Variants in PPARGC1A observed in about 807,000 individuals in gnomAD.
The protein encoded by PPARGC1A is peroxisome proliferator-activated receptor gamma coactivator 1-alpha.
PPARGC1A carries 25 observed loss-of-function variants against 88.7 expected under a neutral mutation model. The ratio of observed to expected loss-of-function variants is 0.28; its 90% CI spans 0.21 to 0.39. The LOEUF (loss-of-function observed/expected upper bound fraction) is 0.39, where lower values mean the gene tolerates loss of function less well. Ranked by LOEUF, PPARGC1A falls within the 10% of genes least tolerant of loss-of-function variation. The probability of loss-of-function intolerance (pLI) is 1.00; values close to 1 mark genes in which losing one functional copy is unlikely to be tolerated. For synonymous variants in PPARGC1A, 363 were observed against 355.6 expected, an observed-to-expected ratio of 1.02 and a Z score of -0.24; for missense variants, 880 against 968.7, an observed-to-expected ratio of 0.91 and a Z score of 1.22.
chr4:24,167,388 A>T, the PPARGC1A span, among the ~76,000 whole-genome samples: 2 of 152,250 alleles, frequency 1.3e-5, no homozygotes, highest in African/African-American at 2.4e-5. Context: ...TGTTGTGGAC[A>T]TTGTTGAAAT....
At chr4:23,910,999 T>C in the PPARGC1A span, among the ~76,000 whole-genome samples, 1 of 152,032 alleles carries the variant, frequency 6.6e-6, no homozygotes, top group East Asian at 1.9e-4. Context: ...TTTAAATCTT[T>C]ACTGTTTAAA....
chr4:24,384,428 C>T, the PPARGC1A span, among the ~76,000 whole-genome samples: 52,588 of 151,890 alleles, frequency 0.35, 10,410 homozygotes, highest in East Asian at 0.49. Context: ...AATTAAAAGA[C>T]ACAGACTGGC....
chr4:24,200,979 T>G, the PPARGC1A span, among the ~76,000 whole-genome samples: 1 of 152,210 alleles, frequency 6.6e-6, no homozygotes, highest in Non-Finnish European at 1.5e-5. Context: ...AACATTTATT[T>G]AGTGTCCATT....
At chr4:24,103,649 C>T in the PPARGC1A span, among the ~76,000 whole-genome samples, 943 of 150,206 alleles carry the variant, frequency 6.3e-3, 15 homozygotes, top group African/African-American at 0.022. Flanking sequence ...TTATAGCTGC[C>T]GCTTTGATGC....
the PPARGC1A span, among the ~76,000 whole-genome samples, chr4:24,343,080 T>G: frequency 1.7e-4 from 26 of 152,198 alleles, no homozygotes; most frequent in Non-Finnish European, 3.4e-4. Context: ...GGAACCAGAA[T>G]AGAACGTTTC....
At chr4:24,041,476 T>C in the PPARGC1A span, among the ~76,000 whole-genome samples, 3 of 120,446 alleles carry the variant, frequency 2.5e-5, no homozygotes, top group Non-Finnish European at 5.9e-5. Flanking sequence ...AGTCATCACC[T>C]GCTGATTTCT....
chr4:23,904,060 A>C (rs1719747682), upstream of PPARGC1A: 3 of 982,806 alleles, frequency 3.1e-6, no homozygotes, highest in Non-Finnish European at 3.6e-6. Flanking sequence ...CAGTGCAAAT[A>C]CTGGTATCAT....
the PPARGC1A span, among the ~76,000 whole-genome samples, chr4:24,240,733 T>C: frequency 1.3e-5 from 2 of 152,200 alleles, no homozygotes; most frequent in African/African-American, 4.8e-5. Context: ...GAGGTAGTTC[T>C]AGCAGAGGAA....
chr4:24,159,206 C>CTTT, the PPARGC1A span, among the ~76,000 whole-genome samples: 557 of 109,812 alleles, frequency 5.1e-3, 26 homozygotes, highest in African/African-American at 0.018. Flanking sequence ...GGAAATTAAC[C>CTTT]TTTTTTTTTT....
the PPARGC1A span, among the ~76,000 whole-genome samples, chr4:24,411,580 G>T: frequency 6.6e-6 from 1 of 152,092 alleles, no homozygotes; most frequent in African/African-American, 2.4e-5. Flanking sequence ...ACATTCTCTG[G>T]GTTTTGACAA....
chr4:23,910,606 A>G, the PPARGC1A span, among the ~76,000 whole-genome samples: 1 of 148,594 alleles, frequency 6.7e-6, no homozygotes, highest in Non-Finnish European at 1.5e-5. Context: ...ATGCCAGCTA[A>G]TTTTTGTATT....
chr4:24,019,910 T>G, the PPARGC1A span, among the ~76,000 whole-genome samples: 3 of 152,134 alleles, frequency 2.0e-5, no homozygotes, highest in Non-Finnish European at 4.4e-5. Flanking sequence ...GTAAGGATCA[T>G]GCTCCATTTC....
the PPARGC1A span, among the ~76,000 whole-genome samples, chr4:24,440,085 A>G: frequency 3.7e-4 from 56 of 152,342 alleles, no homozygotes; most frequent in Middle Eastern, 3.4e-3. Flanking sequence ...GAGTCCCTAT[A>G]ACAATAATTA....
intron 10 of PPARGC1A, among the ~76,000 whole-genome samples, chr4:23,810,612 A>T (rs527954136): frequency 1.3e-4 from 20 of 152,282 alleles, no homozygotes; most frequent in African/African-American, 4.8e-4. Flanking sequence ...TAAACACATC[A>T]TTTATTTACA....
the PPARGC1A span, among the ~76,000 whole-genome samples, chr4:24,216,103 C>A: frequency 6.9e-6 from 1 of 145,676 alleles, no homozygotes; most frequent in Non-Finnish European, 1.5e-5. Flanking sequence ...CTGTCTGGAA[C>A]AACCTCACAA....
chr4:24,375,820 A>G, the PPARGC1A span, among the ~76,000 whole-genome samples: 57,204 of 151,874 alleles, frequency 0.38, 11,077 homozygotes, highest in African/African-American at 0.46. Flanking sequence ...AGAGTGAGAT[A>G]AAAGCAGCCC....
At chr4:23,968,113 T>C in the PPARGC1A span, among the ~76,000 whole-genome samples, 1 of 152,232 alleles carries the variant, frequency 6.6e-6, no homozygotes, top group East Asian at 1.9e-4. Context: ...ATGGTTGAAA[T>C]CCTAGACATC....
chr4:23,880,555 CATAAT>C (rs1346258185), intron 2 of PPARGC1A, among the ~76,000 whole-genome samples: 4 of 152,128 alleles, frequency 2.6e-5, no homozygotes, highest in Admixed American at 6.5e-5. Context: ...TTGATAGGTA[CATAAT>C]ATATGTCCAT....
the PPARGC1A span, among the ~76,000 whole-genome samples, chr4:24,462,240 C>T: frequency 8.2e-4 from 118 of 144,504 alleles, no homozygotes; most frequent in East Asian, 3.3e-3. Context: ...TGCACACCAC[C>T]GCACCCGGCT....
Sources: allele counts gnomAD v4.1 joint callset (sites outside exome capture counted in the v4.1 genomes callset), GRCh38; gene constraint gnomAD v4.1.1; transcripts MANE v1.5; gene names NCBI Gene and HGNC (gene_info 2026-07-23, HGNC 2026-07-21).